Variants in SYN3 observed in about 807,000 individuals in gnomAD.
SYN3 encodes the protein synapsin III.
Under a neutral mutation model 65.8 loss-of-function variants are expected in SYN3, and 35 were observed. The observed-to-expected ratio is 0.53, with a 90% CI of 0.41 to 0.70. SYN3 has a LOEUF of 0.70. Among genes scored for constraint, SYN3 ranks in the 30% least tolerant of loss-of-function variants. The pLI, the probability that SYN3 is intolerant of heterozygous loss-of-function variation, is 0.00. For missense variants in SYN3, 680 were observed against 749.0 expected (o/e 0.91, Z 1.08); for synonymous variants, 270 against 292.9 (o/e 0.92, Z 0.80).
At chr22:32,823,823 C>T (rs1404632945) in intron 6 of SYN3, among the ~76,000 whole-genome samples, 1 of 152,092 alleles carries the variant, frequency 6.6e-6, no homozygotes, top group Non-Finnish European at 1.5e-5. Flanking sequence ...CACTCTGCCT[C>T]CAGAGCCCCA....
At chr22:32,990,822 C>T (rs1040808776) in intron 2 of SYN3, among the ~76,000 whole-genome samples, 32 of 152,052 alleles carry the variant, frequency 2.1e-4, no homozygotes, top group African/African-American at 7.5e-4. Context: ...CTGAGGTGGG[C>T]GGATCACTGG....
chr22:32,935,200 A>C (rs2050736364), intron 3 of SYN3, among the ~76,000 whole-genome samples: 1 of 152,122 alleles, frequency 6.6e-6, no homozygotes, highest in Non-Finnish European at 1.5e-5. Context: ...GAAGAAGGTC[A>C]ATGTGGCCAG....
chr22:32,778,217 C>T lies in SYN3; in HGVS notation c.711+86698G>A, dbSNP rs143554902. Among the ~76,000 whole-genome samples the T allele has an allele frequency of 1.3e-3, 192 of 152,294 alleles. 2 individuals carry two copies. The East Asian group carries it at 0.019, about 15-fold the overall frequency. On this transcript the variant is annotated intron_variant, in intron 6 of 13. Transcript: ENST00000358763. ...AAACATTAACTTCTCAGTTTTCATG[C>T]CCTCTAAGTGGGAGACAAGGCTATT...
intron 10 of SYN3, among the ~76,000 whole-genome samples, chr22:32,529,771 C>G (rs1285543847): frequency 6.6e-6 from 1 of 152,154 alleles, no homozygotes; most frequent in Non-Finnish European, 1.5e-5. Context: ...AACAGCTGGC[C>G]GCGTCACCCT....
intron 6 of SYN3, chr22:32,859,711 T>C (rs2048482784): frequency 6.4e-6 from 2 of 311,240 alleles, no homozygotes; most frequent in Non-Finnish European, 1.2e-5. Context: ...AACTACTCCA[T>C]TTGAGGATTG....
intron 3 of SYN3, among the ~76,000 whole-genome samples, chr22:32,963,708 G>A (rs2051732702): frequency 6.6e-6 from 1 of 152,154 alleles, no homozygotes; most frequent in African/African-American, 2.4e-5. Flanking sequence ...GAGAGGTGGT[G>A]AGAAAACGAG....
intron 4 of SYN3, among the ~76,000 whole-genome samples, chr22:32,913,839 T>C (rs1481088081): frequency 1.3e-5 from 2 of 152,218 alleles, no homozygotes; most frequent in Non-Finnish European, 2.9e-5. Flanking sequence ...GTCTCACTGT[T>C]TATTGGCAGG....
intron 4 of SYN3, among the ~76,000 whole-genome samples, chr22:32,872,028 T>C (rs974505439): frequency 3.3e-5 from 5 of 152,248 alleles, no homozygotes; most frequent in Admixed American, 1.3e-4. Flanking sequence ...TTCTCCCACA[T>C]TGCGTGTAGG....
chr22:32,856,350 G>A (rs1381370673), intron 6 of SYN3, among the ~76,000 whole-genome samples: 1 of 152,058 alleles, frequency 6.6e-6, no homozygotes, highest in African/African-American at 2.4e-5. Flanking sequence ...AGGTTTCTCT[G>A]GGAAGGCACC....
intron 6 of SYN3, among the ~76,000 whole-genome samples, chr22:32,741,454 C>T (rs1213796284): frequency 2.1e-5 from 3 of 145,734 alleles, no homozygotes; most frequent in African/African-American, 7.6e-5. Context: ...CTCCTGGGTT[C>T]ACACCATTCT....
intron 4 of SYN3, among the ~76,000 whole-genome samples, chr22:32,920,027 G>T (rs538744934): frequency 1.0e-3 from 157 of 152,310 alleles, no homozygotes; most frequent in African/African-American, 3.6e-3. Context: ...GAGCTGGGGA[G>T]GGGGAGGATC....
intron 6 of SYN3, among the ~76,000 whole-genome samples, chr22:32,614,723 G>A (rs561280750): frequency 6.6e-6 from 1 of 152,258 alleles, no homozygotes; most frequent in East Asian, 1.9e-4. Flanking sequence ...TATACAAAAG[G>A]CCGAAGGCAT....
intron 6 of SYN3, among the ~76,000 whole-genome samples, chr22:32,688,730 G>GA (rs2060625122): frequency 6.6e-6 from 1 of 150,582 alleles, no homozygotes; most frequent in African/African-American, 2.4e-5. Context: ...TCCCTGCCTG[G>GA]GGCTGTCCAG....
chr22:32,865,161 C>G lies in SYN3; in HGVS notation c.622-157G>C, dbSNP rs116908463. ...ATAGGATAAAGACCAGATTCCTTGGCTGGACATTCATCCTCTCCATCATCT... is the reference window on the plus strand; with the variant it reads ...ATAGGATAAAGACCAGATTCCTTGGGTGGACATTCATCCTCTCCATCATCT... On this transcript the variant is annotated intron_variant, in intron 5 of 13. Coordinates refer to ENST00000358763, the MANE Select transcript of SYN3 (RefSeq NM_003490.4). Among the ~76,000 whole-genome samples the G allele has an allele frequency of 2.1e-3, 320 of 152,332 alleles. 1 individual carries two copies. Among genetic ancestry groups the G allele is most frequent in the Admixed American group, 7.0e-3 (107 of 15,298 alleles).
chr22:32,786,224 A>G (rs1602144564), intron 6 of SYN3, among the ~76,000 whole-genome samples: 1 of 152,270 alleles, frequency 6.6e-6, no homozygotes, highest in East Asian at 1.9e-4. Context: ...AATCTTTTGC[A>G]TAAGAGCACA....
intron 6 of SYN3, among the ~76,000 whole-genome samples, chr22:32,809,058 A>G (rs965303056): frequency 6.6e-6 from 1 of 152,194 alleles, no homozygotes; most frequent in East Asian, 1.9e-4. Context: ...GATCACAAAC[A>G]TAATACTGTA....
intron 9 of SYN3, 146 bp from the exon 10 acceptor site, chr22:32,534,041 A>G: frequency 1.7e-6 from 1 of 602,494 alleles, no homozygotes; most frequent in Non-Finnish European, 3.0e-6. Flanking sequence ...ACAGAGAAGC[A>G]GCAAGAGAGA....
intron 6 of SYN3, among the ~76,000 whole-genome samples, chr22:32,616,172 C>A (rs2059517320): frequency 6.6e-6 from 1 of 152,124 alleles, no homozygotes; most frequent in Non-Finnish European, 1.5e-5. Flanking sequence ...GCAGAGTTCG[C>A]AGGGCCTGCT....
intron 4 of SYN3, among the ~76,000 whole-genome samples, chr22:32,902,146 C>A (rs561882279): frequency 3.5e-4 from 54 of 152,368 alleles, no homozygotes; most frequent in Non-Finnish European, 5.4e-4. Flanking sequence ...TAGGTGGCGG[C>A]TGTTCCCAAC....
Sources: gnomAD v4.1 joint callset for allele counts (sites outside exome capture counted in the v4.1 genomes callset) on GRCh38, gnomAD v4.1.1 for gene constraint, MANE v1.5 for transcripts, NCBI Gene and HGNC (gene_info 2026-07-23, HGNC 2026-07-21) for gene names.